Variants in CCDC178 observed in about 807,000 individuals in gnomAD.
The protein encoded by CCDC178 is coiled-coil domain containing 178, also known as coiled-coil domain-containing protein 178.
CCDC178 carries 126 observed loss-of-function variants against 117.4 expected under a neutral mutation model. The observed-to-expected ratio is 1.07, with a 90% CI of 0.93 to 1.24. CCDC178 has a LOEUF of 1.24. CCDC178 is among the 50% of genes most tolerant of loss of function. The probability of loss-of-function intolerance (pLI) is 0.00; values close to 1 mark genes in which losing one functional copy is unlikely to be tolerated. For missense variants in CCDC178, 1,030 were observed against 986.9 expected, an observed-to-expected ratio of 1.04 and a Z score of -0.59; for synonymous variants, 283 against 313.4, an observed-to-expected ratio of 0.90 and a Z score of 1.02.
chr18:33,093,834 T>C (rs1028553117), intron 20 of CCDC178, among the ~76,000 whole-genome samples: 7 of 152,032 alleles, frequency 4.6e-5, no homozygotes, highest in African/African-American at 1.4e-4. Flanking sequence ...ACAATGTTAT[T>C]TATAATAGCA....
chr18:33,415,028 G>A (rs1162428837), intron 2 of CCDC178, among the ~76,000 whole-genome samples: 9 of 152,266 alleles, frequency 5.9e-5, no homozygotes, highest in East Asian at 3.9e-4. Flanking sequence ...TTAGAATGGC[G>A]ATCATTAAAA....
intron 4 of CCDC178, among the ~76,000 whole-genome samples, chr18:33,392,586 C>T (rs1220923272): frequency 6.6e-6 from 1 of 152,064 alleles, no homozygotes; most frequent in East Asian, 1.9e-4. Context: ...CAGATACTGA[C>T]ACGAAAGAAT....
chr18:33,199,654 C>T (rs562220134), intron 20 of CCDC178, among the ~76,000 whole-genome samples: 3 of 152,186 alleles, frequency 2.0e-5, no homozygotes, highest in East Asian at 1.9e-4. Context: ...CTTTTGTTGC[C>T]GCTATTCTTA....
intron 2 of CCDC178, among the ~76,000 whole-genome samples, chr18:33,426,790 T>G (rs1009608126): frequency 4.6e-5 from 7 of 152,208 alleles, no homozygotes; most frequent in African/African-American, 1.4e-4. Context: ...GGGCTTTGTC[T>G]GTTTTATTTT....
intron 21 of CCDC178, among the ~76,000 whole-genome samples, chr18:33,084,638 C>T (rs565305253): frequency 1.3e-5 from 2 of 151,694 alleles, no homozygotes; most frequent in South Asian, 2.1e-4. Context: ...TACTGAAACC[C>T]CGTCTCTATT....
chr18:33,266,492 A>G (rs1274444565), intron 14 of CCDC178, among the ~76,000 whole-genome samples: 1 of 151,396 alleles, frequency 6.6e-6, no homozygotes, highest in Admixed American at 6.6e-5. Flanking sequence ...GAGGTAAGAT[A>G]AGGCTGTGTA....
chr18:33,150,234 A>G (rs1026709397), intron 20 of CCDC178, among the ~76,000 whole-genome samples: 11 of 152,232 alleles, frequency 7.2e-5, no homozygotes, highest in African/African-American at 2.4e-4. Flanking sequence ...ACAAAAATCA[A>G]CTCAAGATGG....
chr18:33,396,042 T>G (rs1438588574), intron 4 of CCDC178, among the ~76,000 whole-genome samples: 1 of 152,078 alleles, frequency 6.6e-6, no homozygotes, highest in African/African-American at 2.4e-5. Context: ...AAAAATTAGT[T>G]AACATATGTG....
intron 21 of CCDC178, among the ~76,000 whole-genome samples, chr18:33,025,879 TC>T (rs2056218760): frequency 6.6e-6 from 1 of 152,112 alleles, no homozygotes; most frequent in Non-Finnish European, 1.5e-5. Context: ...CAGGCATTCG[TC>T]CCAGAGAAGT....
At chr18:33,160,202 T>C (rs1249813941) in intron 20 of CCDC178, among the ~76,000 whole-genome samples, 1 of 152,148 alleles carries the variant, frequency 6.6e-6, no homozygotes. Context: ...GATCTAATTC[T>C]GGCATATAAC....
intron 11 of CCDC178, among the ~76,000 whole-genome samples, chr18:33,307,678 G>A (rs1478850676): frequency 6.6e-6 from 1 of 152,202 alleles, no homozygotes; most frequent in Non-Finnish European, 1.5e-5. Context: ...GGAGGCCTAG[G>A]AGGGAAAAAC....
chr18:33,413,583 G>C (rs2063889583), intron 2 of CCDC178, among the ~76,000 whole-genome samples: 3 of 151,682 alleles, frequency 2.0e-5, no homozygotes, highest in South Asian at 4.2e-4. Context: ...TATAATTTTT[G>C]AATCTTCAAA....
intron 22 of CCDC178, among the ~76,000 whole-genome samples, chr18:32,965,946 A>G (rs987147353): frequency 6.7e-6 from 1 of 148,932 alleles, no homozygotes; most frequent in African/African-American, 2.4e-5. Flanking sequence ...TTATATATAA[A>G]AATATATAAG....
intron 2 of CCDC178, among the ~76,000 whole-genome samples, chr18:33,412,754 T>C (rs1213009335): frequency 6.6e-6 from 1 of 152,216 alleles, no homozygotes; most frequent in Non-Finnish European, 1.5e-5. Context: ...AATGATGTCT[T>C]AATATCACTA....
At chr18:33,104,674 T>C (rs1005116704) in intron 20 of CCDC178, among the ~76,000 whole-genome samples, 1 of 151,668 alleles carries the variant, frequency 6.6e-6, no homozygotes, top group Non-Finnish European at 1.5e-5. Context: ...TTTACGTTTT[T>C]CCCACAAAAT....
chr18:33,391,094 A>G (rs193083879), intron 4 of CCDC178, among the ~76,000 whole-genome samples: 1 of 151,308 alleles, frequency 6.6e-6, no homozygotes, highest in Admixed American at 6.6e-5. Flanking sequence ...TATATAAATG[A>G]CTAAATTTAC....
At chr18:33,360,119 A>G (rs928176904) in intron 6 of CCDC178, among the ~76,000 whole-genome samples, 11 of 151,186 alleles carry the variant, frequency 7.3e-5, no homozygotes, top group East Asian at 5.8e-4. Context: ...ACACATTTAT[A>G]TTGCTGGTGG....
At chr18:33,408,010 T>C (rs1159304922) in intron 3 of CCDC178, among the ~76,000 whole-genome samples, 2 of 151,828 alleles carry the variant, frequency 1.3e-5, no homozygotes, top group African/African-American at 4.8e-5. Flanking sequence ...CCTAAACAAA[T>C]GATTATGAAA....
intron 11 of CCDC178, among the ~76,000 whole-genome samples, chr18:33,319,023 ACT>A (rs780078302): frequency 7.2e-5 from 11 of 151,856 alleles, no homozygotes; most frequent in Non-Finnish European, 1.0e-4. Context: ...GCCAGAAAGC[ACT>A]CTCTCTTTTT....
Sources: gnomAD v4.1 joint callset for allele counts (sites outside exome capture counted in the v4.1 genomes callset) on GRCh38, gnomAD v4.1.1 for gene constraint, MANE v1.5 for transcripts, NCBI Gene and HGNC (gene_info 2026-07-23, HGNC 2026-07-21) for gene names.